HDAC9: variants seen among roughly 807,000 people sequenced by gnomAD.
The protein encoded by HDAC9 is histone deacetylase 9, also known as MEF-2 interacting transcription repressor (MITR) protein.
HDAC9 carries 41 observed loss-of-function variants against 139.4 expected under a neutral mutation model. That is an observed-to-expected ratio of 0.29 (90% CI 0.23 to 0.38). The LOEUF (loss-of-function observed/expected upper bound fraction) is 0.38. Among genes scored for constraint, HDAC9 ranks in the 10% least tolerant of loss-of-function variants. HDAC9 has a pLI of 1.00. For synonymous variants in HDAC9, 517 were observed against 476.2 expected (o/e 1.09, Z -1.12); for missense variants, 1,147 against 1,297.0 (o/e 0.88, Z 1.78).
intron 7 of HDAC9, 73 bp downstream of exon 7, chr7:18,629,554 C>T (rs1244461430): frequency 8.2e-6 from 11 of 1,341,870 alleles, no homozygotes; most frequent in Admixed American, 2.4e-5. Flanking sequence ...AATAAATATA[C>T]CTGCTGCATA....
At chr7:18,622,807 A>C (rs889538525) in intron 6 of HDAC9, among the ~76,000 whole-genome samples, 1 of 152,044 alleles carries the variant, frequency 6.6e-6, no homozygotes, top group Admixed American at 6.6e-5. Context: ...GAAATTTTTT[A>C]ATCTAAATTA....
chr7:18,853,942 T>G (rs1366522542), intron 21 of HDAC9, among the ~76,000 whole-genome samples: 4 of 152,158 alleles, frequency 2.6e-5, no homozygotes, highest in Non-Finnish European at 5.9e-5. Flanking sequence ...GAATTGTAAT[T>G]TATCCAGCTG....
chr7:18,920,437 A>C (rs1803596469), intron 22 of HDAC9, among the ~76,000 whole-genome samples: 2 of 152,132 alleles, frequency 1.3e-5, no homozygotes, highest in Non-Finnish European at 2.9e-5. Flanking sequence ...TGTCATCTGC[A>C]AACAGGGACA....
intron 1 of HDAC9, among the ~76,000 whole-genome samples, chr7:18,445,506 G>A (rs1163527679): frequency 6.6e-6 from 1 of 152,122 alleles, no homozygotes; most frequent in African/African-American, 2.4e-5. Flanking sequence ...GGGCTGAGCG[G>A]CCTCTGTGAT....
intron 23 of HDAC9, among the ~76,000 whole-genome samples, chr7:18,950,588 C>T (rs962747315): frequency 7.2e-5 from 11 of 151,916 alleles, no homozygotes; most frequent in South Asian, 2.1e-4. Flanking sequence ...TCTCCATCTT[C>T]GTCTTTAAAT....
chr7:18,763,389 A>C (rs914193092), intron 15 of HDAC9, among the ~76,000 whole-genome samples: 1 of 152,224 alleles, frequency 6.6e-6, no homozygotes, highest in Admixed American at 6.5e-5. Flanking sequence ...TATAGGTAGC[A>C]GTAGCTTGGG....
intron 1 of HDAC9, among the ~76,000 whole-genome samples, chr7:18,127,637 T>G (rs1478563707): frequency 6.6e-6 from 1 of 152,146 alleles, no homozygotes; most frequent in Non-Finnish European, 1.5e-5. Context: ...TCTTCAGTGA[T>G]TATATTTTTC....
At chr7:18,138,978 T>C (rs147480732) in intron 1 of HDAC9, among the ~76,000 whole-genome samples, 2 of 152,302 alleles carry the variant, frequency 1.3e-5, no homozygotes, top group African/African-American at 4.8e-5. Context: ...CTAGTAATCT[T>C]CCATTTCTAA....
chr7:18,994,488 C>A lies in HDAC9; in HGVS notation c.3171-1535C>A, dbSNP rs190105078. 1.6e-3 allele frequency among the ~76,000 whole-genome samples: 250 copies of A among 152,274 alleles called. 2 individuals are homozygous for A. Among genetic ancestry groups the A allele is most frequent in the African/African-American group, 5.8e-3 (240 of 41,564 alleles). On this transcript the variant is annotated intron_variant, in intron 25 of 25. Transcript: ENST00000686413. ...ACTCTCTCTCACAACCTCCTTATCCCAGACACTCTAGGACAGGCTATAACT... is the reference window on the plus strand; with the variant it reads ...ACTCTCTCTCACAACCTCCTTATCCAAGACACTCTAGGACAGGCTATAACT...
At chr7:18,509,105 A>C (rs1420672455) in intron 2 of HDAC9, among the ~76,000 whole-genome samples, 1 of 152,252 alleles carries the variant, frequency 6.6e-6, no homozygotes, top group Admixed American at 6.5e-5. Context: ...TGCTTTGTGA[A>C]TAGGGAACAA....
chr7:18,935,437 G>A (rs188647585), intron 22 of HDAC9, among the ~76,000 whole-genome samples: 12 of 152,162 alleles, frequency 7.9e-5, no homozygotes, highest in East Asian at 5.8e-4. Context: ...CATTGATAGC[G>A]ACAGGAAGCA....
At chr7:18,539,814 A>G (rs142480770) in intron 2 of HDAC9, among the ~76,000 whole-genome samples, 23 of 152,152 alleles carry the variant, frequency 1.5e-4, no homozygotes, top group Non-Finnish European at 2.9e-4. Context: ...CTTGCTTGTG[A>G]TTATAGTTAT....
intron 2 of HDAC9, among the ~76,000 whole-genome samples, chr7:18,186,862 A>G (rs982210821): frequency 1.3e-5 from 2 of 152,214 alleles, no homozygotes; most frequent in Non-Finnish European, 2.9e-5. Context: ...TTATTTTCTA[A>G]TTGGAAGTCT....
intron 17 of HDAC9, among the ~76,000 whole-genome samples, chr7:18,793,842 C>T (rs1302222817): frequency 6.6e-6 from 1 of 151,910 alleles, no homozygotes; most frequent in South Asian, 2.1e-4. Context: ...GAATACCACC[C>T]AGAGAGAGGG....
At chr7:18,736,507 G>A (rs1446786438) in intron 13 of HDAC9, among the ~76,000 whole-genome samples, 1 of 152,016 alleles carries the variant, frequency 6.6e-6, no homozygotes, top group African/African-American at 2.4e-5. Context: ...TGGTTTTGTT[G>A]TTGGTTCCAT....
chr7:18,746,905 A>G (rs1788022510), intron 13 of HDAC9, among the ~76,000 whole-genome samples: 2 of 152,292 alleles, frequency 1.3e-5, no homozygotes, highest in South Asian at 4.1e-4. Context: ...ATGCTAAGAG[A>G]GTATATAGTA....
At chr7:18,361,608 C>A (rs1394960741) in intron 1 of HDAC9, among the ~76,000 whole-genome samples, 1 of 152,064 alleles carries the variant, frequency 6.6e-6, no homozygotes, top group East Asian at 1.9e-4. Context: ...ATTTCTCTTT[C>A]TTTAGAAACA....
At chr7:18,854,374 T>G (rs1797520985) in intron 21 of HDAC9, among the ~76,000 whole-genome samples, 1 of 152,186 alleles carries the variant, frequency 6.6e-6, no homozygotes, top group Admixed American at 6.5e-5. Context: ...ATTTTTGCTG[T>G]CTTGGCTACA....
At chr7:18,503,008 T>A (rs979996618) in intron 2 of HDAC9, among the ~76,000 whole-genome samples, 2 of 152,210 alleles carry the variant, frequency 1.3e-5, no homozygotes, top group African/African-American at 4.8e-5. Flanking sequence ...GTATTACATT[T>A]TAAGAATCAT....
Sources: allele counts gnomAD v4.1 joint callset (sites outside exome capture counted in the v4.1 genomes callset), GRCh38; gene constraint gnomAD v4.1.1; transcripts MANE v1.5; gene names NCBI Gene and HGNC (gene_info 2026-07-23, HGNC 2026-07-21).